MGMT: variants seen among roughly 807,000 people sequenced by gnomAD.
The protein encoded by MGMT is methylated-DNA--protein-cysteine methyltransferase.
A neutral mutation model predicts 15.9 loss-of-function variants in MGMT; 14 were observed. The observed-to-expected ratio is 0.88, with a 90% CI of 0.58 to 1.37. The LOEUF is 1.37. MGMT is among the 40% of genes most tolerant of loss of function. The pLI, the probability that MGMT is intolerant of heterozygous loss-of-function variation, is 0.00. For synonymous variants in MGMT, 130 were observed against 118.2 expected (o/e 1.10, Z -0.65); for missense variants, 282 against 268.1 (o/e 1.05, Z -0.36).
chr10:129,637,825 AAG>A (rs1041047085), intron 2 of MGMT, among the ~76,000 whole-genome samples: 2 of 152,152 alleles, frequency 1.3e-5, no homozygotes, highest in Non-Finnish European at 2.9e-5. Flanking sequence ...GCAAGCCAAG[AAG>A]AGAGGCGTCA....
intron 2 of MGMT, among the ~76,000 whole-genome samples, chr10:129,652,269 G>A (rs947338607): frequency 4.6e-5 from 7 of 152,200 alleles, no homozygotes; most frequent in East Asian, 1.9e-4. Context: ...TGGGGGGCTC[G>A]GCCTCCTTCC....
Position 129,684,618 on chromosome 10 carries a change from A to T in MGMT, c.126-23277A>T, listed in dbSNP as rs192051768. 3.4e-4 allele frequency among the ~76,000 whole-genome samples: 52 copies of T among 152,360 alleles called. No individual in the cohort carries two copies. The East Asian group carries it at 9.4e-3, about 28-fold the overall frequency. ...TAACTACACCAGCCAACAGCATTGA[A>T]AGGAAAAAGGAAGAAAACACAAAAA... On this transcript the variant is annotated intron_variant, in intron 2 of 4. Coordinates refer to ENST00000651593, the MANE Select transcript of MGMT (RefSeq NM_002412.5).
At chr10:129,599,108 G>A (rs943708599) in intron 2 of MGMT, among the ~76,000 whole-genome samples, 3 of 152,212 alleles carry the variant, frequency 2.0e-5, no homozygotes, top group Non-Finnish European at 4.4e-5. Flanking sequence ...AGCCAGAGTA[G>A]GCTCAGATGG....
chr10:129,653,090 C>T (rs1847480992), intron 2 of MGMT, among the ~76,000 whole-genome samples: 1 of 152,196 alleles, frequency 6.6e-6, no homozygotes, highest in African/African-American at 2.4e-5. Context: ...GTCCGGTCGG[C>T]TGTGACAAAA....
intron 2 of MGMT, among the ~76,000 whole-genome samples, chr10:129,537,847 C>T (rs1254314783): frequency 6.6e-6 from 1 of 152,204 alleles, no homozygotes; most frequent in Non-Finnish European, 1.5e-5. Context: ...GGAGCTGGGG[C>T]TGGTGCCTTC....
intron 1 of MGMT, among the ~76,000 whole-genome samples, chr10:129,520,976 TGCAGAGCCCCTACGGTGC>T (rs1845802683): frequency 1.1e-5 from 1 of 88,092 alleles, no homozygotes; most frequent in Non-Finnish European, 2.1e-5. Context: ...ACGGTGAGGG[TGCAGAGCCCCTACGGTGC>T]GCGTACGGGG....
chr10:129,740,515 C>T (rs1052147576), intron 3 of MGMT, among the ~76,000 whole-genome samples: 5 of 152,198 alleles, frequency 3.3e-5, no homozygotes, highest in African/African-American at 1.2e-4. Context: ...CTGTCCTTTC[C>T]ACATACAAAG....
intron 2 of MGMT, among the ~76,000 whole-genome samples, chr10:129,656,494 GA>G: frequency 6.6e-6 from 1 of 152,324 alleles, no homozygotes; most frequent in Non-Finnish European, 1.5e-5. Context: ...AGTTAATTTA[GA>G]AAGTTTATTT....
rs749868332 is a variant in MGMT, at chr10:129,707,921, C to T, written c.152C>T (p.Ala51Val). Reference protein sequence around the residue: ...ADAVEVPAPAAVLGGPEPLMQ... With the variant: ...ADAVEVPAPAVVLGGPEPLMQ... ...GCCGTGGAGGTCCCAGCCCCCGCTGCGGTTCTCGGAGGTCCGGAGCCCCTG... is the reference window on the plus strand; with the variant it reads ...GCCGTGGAGGTCCCAGCCCCCGCTGTGGTTCTCGGAGGTCCGGAGCCCCTG... Residue 51 changes from alanine to valine, a missense_variant, in exon 3 of 5, where the codon GCG (alanine) becomes GTG (valine). Transcript: ENST00000651593. 2.0e-5 allele frequency: 32 copies of T among 1,612,078 alleles called. No homozygotes were observed. The highest frequency in any genetic ancestry group is 1.6e-4 in the African/African-American group (12 of 74,858).
chr10:129,614,509 C>T (rs569265933), intron 2 of MGMT, among the ~76,000 whole-genome samples: 4 of 152,304 alleles, frequency 2.6e-5, no homozygotes, highest in Admixed American at 1.3e-4. Context: ...ACGTGCTCGG[C>T]GGCTGGTTTT....
At chr10:129,632,847 G>A (rs930455326) in intron 2 of MGMT, among the ~76,000 whole-genome samples, 2 of 152,136 alleles carry the variant, frequency 1.3e-5, no homozygotes, top group Non-Finnish European at 2.9e-5. Context: ...GTCTCATGCA[G>A]AGGAATACTT....
chr10:129,661,400 C>T (rs1847596230), intron 2 of MGMT, among the ~76,000 whole-genome samples: 1 of 152,146 alleles, frequency 6.6e-6, no homozygotes, highest in Admixed American at 6.5e-5. Flanking sequence ...ATACTCTCAG[C>T]AGTAATAAAG....
At chr10:129,530,801 C>T (rs1184875066) in intron 1 of MGMT, among the ~76,000 whole-genome samples, 1 of 152,258 alleles carries the variant, frequency 6.6e-6, no homozygotes, top group Non-Finnish European at 1.5e-5. Context: ...CAGGCCTCAT[C>T]CCCCAGCTCT....
At chr10:129,665,712 T>C (rs1191418576) in intron 2 of MGMT, among the ~76,000 whole-genome samples, 1 of 152,118 alleles carries the variant, frequency 6.6e-6, no homozygotes, top group African/African-American at 2.4e-5. Context: ...TAGGTGTTTG[T>C]CAAAACTTAC....
intron 2 of MGMT, among the ~76,000 whole-genome samples, chr10:129,624,399 C>A (rs917165099): frequency 1.3e-5 from 2 of 152,190 alleles, no homozygotes; most frequent in East Asian, 3.9e-4. Context: ...CTTTGGAGGA[C>A]AGAGACATTG....
intron 2 of MGMT, among the ~76,000 whole-genome samples, chr10:129,639,076 T>C (rs1847297712): frequency 6.6e-6 from 1 of 152,132 alleles, no homozygotes; most frequent in Non-Finnish European, 1.5e-5. Context: ...CATGGAAGTA[T>C]ACATTTTAAG....
chr10:129,718,556 C>G (rs1158558552), intron 3 of MGMT, among the ~76,000 whole-genome samples: 1 of 152,188 alleles, frequency 6.6e-6, no homozygotes, highest in Non-Finnish European at 1.5e-5. Flanking sequence ...TCACTTACCC[C>G]CTCACCTTCT....
At chr10:129,473,968 A>G (rs891404728) in intron 1 of MGMT, among the ~76,000 whole-genome samples, 1 of 152,302 alleles carries the variant, frequency 6.6e-6, no homozygotes, top group African/African-American at 2.4e-5. Flanking sequence ...CCTGCAGGCC[A>G]GGGACCCATG....
At chr10:129,604,007 C>T (rs1334472726) in intron 2 of MGMT, among the ~76,000 whole-genome samples, 2 of 152,038 alleles carry the variant, frequency 1.3e-5, no homozygotes, top group East Asian at 1.9e-4. Flanking sequence ...TTGATGTGTG[C>T]GTGTGTCTGC....
Sources: allele counts gnomAD v4.1 joint callset (sites outside exome capture counted in the v4.1 genomes callset), GRCh38; gene constraint gnomAD v4.1.1; transcripts MANE v1.5; gene names NCBI Gene and HGNC (gene_info 2026-07-23, HGNC 2026-07-21).